CENPN: variants seen among roughly 807,000 people sequenced by gnomAD.
CENPN encodes interphase centromere complex protein 32.
CENPN carries 36 observed loss-of-function variants against 48.6 expected under a neutral mutation model. The ratio of observed to expected loss-of-function variants is 0.74; its 90% CI spans 0.57 to 0.98. CENPN has a LOEUF of 0.98. Among genes scored for constraint, CENPN ranks in the 50% least tolerant of loss-of-function variants. The pLI is 0.00. For synonymous variants in CENPN, 166 were observed against 135.2 expected, an observed-to-expected ratio of 1.23 and a Z score of -1.58; for missense variants, 439 against 399.2, an observed-to-expected ratio of 1.10 and a Z score of -0.85.
chr16:81,023,172 G>A (rs1228024873), intron 7 of CENPN: 1 of 325,892 alleles, frequency 3.1e-6, no homozygotes, highest in African/African-American at 2.2e-5. Flanking sequence ...CCCCTCTAAT[G>A]ACAAATACAG....
chr16:81,018,503 A>T (rs1213944102), intron 5 of CENPN, among the ~76,000 whole-genome samples: 3 of 152,128 alleles, frequency 2.0e-5, no homozygotes, highest in Non-Finnish European at 2.9e-5. Flanking sequence ...AACTTCAATG[A>T]TTTTTTACAT....
At chr16:81,022,540 T>C in intron 6 of CENPN, 57 bp from the exon 7 acceptor site, 1 of 1,402,142 alleles carries the variant, frequency 7.1e-7, no homozygotes, top group Non-Finnish European at 1.0e-6. Context: ...CTTTGACAAG[T>C]ATTATAAACA....
chr16:81,029,150 T>A lies in CENPN; in HGVS notation c.*499T>A. ...GGTCTATTCAAAGGATGGAGTTGAG[T>A]CCATTCTGTTATTGTTGCAAGAGGT... On this transcript the variant is annotated 3_prime_UTR_variant, in exon 11 of 11. Coordinates refer to ENST00000305850, the MANE Select transcript of CENPN (RefSeq NM_001100624.3). 1.0e-6 allele frequency: 1 copy of A among 985,328 alleles called. No individual in the cohort carries two copies. Among genetic ancestry groups the A allele is most frequent in the Non-Finnish European group, 1.2e-6 (1 of 829,842 alleles). 61.0% of individuals were successfully genotyped at this position (985,328 alleles called of 1,614,324 possible).
chr16:81,007,366 T>C (rs573173366), intron 1 of CENPN, 89 bp downstream of exon 1: 31 of 152,346 alleles, frequency 2.0e-4, no homozygotes, highest in African/African-American at 7.5e-4. Context: ...GGTGGCTTTT[T>C]CGCAATTGTC....
intron 1 of CENPN, among the ~76,000 whole-genome samples, chr16:81,011,281 C>T (rs997490051): frequency 6.6e-6 from 1 of 152,210 alleles, no homozygotes; most frequent in Non-Finnish European, 1.5e-5. Flanking sequence ...TCCAGCACTC[C>T]CACGCTCAAC....
At position 81,026,587 on chromosome 16, in the gene CENPN, A is replaced by G. The variant is rs2151710864; in HGVS notation, c.759A>G (p.Gln253=). ...AAGAGAGAGTCCAACGAATAACTCA[A>G]GAAACATTTGGAGATTATCCTCAAC... ...VEKERVQRIT[Q]ETFGDYPQPQ... Residue 253 remains glutamine (Q), a synonymous_variant, in exon 9 of 11, where the codon CAA becomes CAG. Transcript: ENST00000305850. The G allele has an allele frequency of 6.2e-7, 1 of 1,608,456 alleles. No homozygotes were observed. The highest frequency in any genetic ancestry group is 8.5e-7 in the Non-Finnish European group (1 of 1,175,992).
chr16:81,017,875 T>A, intron 5 of CENPN, 41 bp downstream of exon 5: 1 of 1,206,238 alleles, frequency 8.3e-7, no homozygotes, highest in Non-Finnish European at 1.2e-6. Context: ...TTCAATGTCA[T>A]GACGTCTGTG....
chr16:81,011,718 G>A (rs901035044), intron 1 of CENPN, among the ~76,000 whole-genome samples: 1 of 152,174 alleles, frequency 6.6e-6, no homozygotes, highest in African/African-American at 2.4e-5. Context: ...ATATGATGCC[G>A]ATGGCCAGGC....
intron 7 of CENPN, chr16:81,022,908 C>G: frequency 1.3e-6 from 2 of 1,588,822 alleles, no homozygotes; most frequent in African/African-American, 1.3e-5. Context: ...TTATACCACT[C>G]ATTAGTCACT....
chr16:81,032,172 A>G (rs1348061717), downstream of CENPN, among the ~76,000 whole-genome samples: 1 of 152,200 alleles, frequency 6.6e-6, no homozygotes, highest in Non-Finnish European at 1.5e-5. Flanking sequence ...TTACTAAAAG[A>G]AACACAGTTG....
At chr16:81,032,829 T>G, downstream of CENPN, 3 of 993,886 alleles carry the variant, frequency 3.0e-6, no homozygotes, top group Non-Finnish European at 4.4e-6. Context: ...ATTTGACCAA[T>G]CTTGGAAGCT....
rs7195459 is a variant in CENPN at position 81,016,376 on chromosome 16, T to A, written c.218-950T>A. On this transcript the variant is annotated intron_variant, in intron 3 of 10. Transcript: ENST00000305850. ...GAGTGCTTGCTTTATGCCACGCAGT[T>A]AAGTTTAGACCTGGGACTACAACAG... 2.0e-4 allele frequency among the ~76,000 whole-genome samples: 30 copies of A among 152,056 alleles called. No individual in the cohort carries two copies. The South Asian group carries it at 6.2e-3, about 31-fold the overall frequency.
chr16:81,028,212 G>C lies in CENPN; in HGVS notation c.852G>C (p.Leu284Phe). The C allele has an allele frequency of 6.2e-7, 1 of 1,613,144 alleles. No homozygotes were observed. The highest frequency in any genetic ancestry group is 8.5e-7 in the Non-Finnish European group (1 of 1,179,114). The change falls in exon 10 of 11, where the codon TTG becomes TTC. Residue 284 changes from leucine (L) to phenylalanine (F), a missense_variant. Transcript: ENST00000305850. ...AAAGTGGTTTAAATGGGAGCATCTT[G>C]GCTGAGAGGGAAGAACCCCTCCGAT... ...KFKSGLNGSI[L>F]AEREEPLRCL...
At chr16:81,008,414 C>A (rs942944030) in intron 1 of CENPN, among the ~76,000 whole-genome samples, 19 of 152,020 alleles carry the variant, frequency 1.2e-4, no homozygotes, top group African/African-American at 4.6e-4. Flanking sequence ...CTTTGTCGCC[C>A]ATGTTGGAGG....
At chr16:81,019,765 A>C (rs1197049845) in intron 5 of CENPN, among the ~76,000 whole-genome samples, 2 of 151,910 alleles carry the variant, frequency 1.3e-5, no homozygotes, top group Non-Finnish European at 2.9e-5. Flanking sequence ...GGTCTCAGCT[A>C]CTAGGGAGGC....
Position 81,014,172 on chromosome 16 carries a change from G to C in CENPN, c.208G>C (p.Asp70His), listed in dbSNP as rs1969849253. 1 of 1,613,052 alleles carries C rather than the reference G, an allele frequency of 6.2e-7. No individual in the cohort carries two copies. The highest frequency in any genetic ancestry group is 8.5e-7 in the Non-Finnish European group (1 of 1,179,168). The change falls in exon 3 of 11, where the codon GAC (aspartate) becomes CAC (histidine). Residue 70 changes from aspartate (D) to histidine (H), a missense_variant. By Grantham distance (81) the Asp-to-His change is moderately conservative. Transcript: ENST00000305850. ...AAGTATCAGTGATGCTGCCCTGTTA[G>C]ACATCATTTGTAAGTGTCAGTGATT... is the stretch of plus-strand genomic sequence containing the variant. ...RASISDAALL[D>H]IIYMQFHQHQ...
intron 2 of CENPN, among the ~76,000 whole-genome samples, chr16:81,013,681 T>C (rs1969830137): frequency 1.3e-5 from 2 of 151,940 alleles, no homozygotes; most frequent in Non-Finnish European, 2.9e-5. Context: ...AGATTGCGCG[T>C]TTGCACTCCT....
intron 2 of CENPN, 140 bp from the exon 3 acceptor site, chr16:81,013,996 A>G (rs1969842529): frequency 1.8e-6 from 1 of 565,140 alleles, no homozygotes; most frequent in African/African-American, 1.9e-5. Flanking sequence ...GGTTAACAGG[A>G]GAAGAGATTG....
Position 81,028,556 on chromosome 16 carries a change from T to C in CENPN, c.938-13T>C, listed in dbSNP as rs774080910. 2.5e-6 allele frequency: 4 copies of C among 1,595,972 alleles called. No individual in the cohort carries two copies. The highest frequency in any genetic ancestry group is 3.4e-6 in the Non-Finnish European group (4 of 1,173,926). On this transcript the variant is annotated splice_polypyrimidine_tract_variant and intron_variant, in intron 10 of 10. Transcript: ENST00000305850. ...TAATTTTCTTTTTCCCTTTTTTTTT[T>C]TTTTAATTTCAGGTATTGCAGATGC...
Sources: gnomAD v4.1 joint callset for allele counts (sites outside exome capture counted in the v4.1 genomes callset) on GRCh38, gnomAD v4.1.1 for gene constraint, MANE v1.5 for transcripts, NCBI Gene and HGNC (gene_info 2026-07-23, HGNC 2026-07-21) for gene names.